Variants in THSD7A observed in about 807,000 individuals in gnomAD.
The protein encoded by THSD7A is thrombospondin type-1 domain-containing protein 7A.
A neutral mutation model predicts 231.3 loss-of-function variants in THSD7A; 96 were observed. The observed-to-expected ratio is 0.41, with a 90% CI of 0.35 to 0.49. The LOEUF (loss-of-function observed/expected upper bound fraction) is 0.49, where lower values mean the gene tolerates loss of function less well. Among genes scored for constraint, THSD7A ranks in the 20% least tolerant of loss-of-function variants. The pLI is 0.05. For missense variants in THSD7A, 2,290 were observed against 2,070.2 expected (o/e 1.11, Z -2.06); for synonymous variants, 940 against 743.3 (o/e 1.26, Z -4.30).
intron 6 of THSD7A, among the ~76,000 whole-genome samples, chr7:11,486,277 G>C (rs911665273): frequency 6.6e-6 from 1 of 152,048 alleles, no homozygotes; most frequent in African/African-American, 2.4e-5. Flanking sequence ...ATTTTGATTG[G>C]ATAAGAACTG....
chr7:11,699,197 T>C (rs1780497487), intron 1 of THSD7A, among the ~76,000 whole-genome samples: 1 of 151,194 alleles, frequency 6.6e-6, no homozygotes, highest in Non-Finnish European at 1.5e-5. Flanking sequence ...TACAGACTCA[T>C]TCTTTGAAAA....
intron 8 of THSD7A, among the ~76,000 whole-genome samples, chr7:11,470,527 T>C (rs1583802897): frequency 6.6e-6 from 1 of 151,966 alleles, no homozygotes; most frequent in Admixed American, 6.6e-5. Flanking sequence ...AAAAACTACA[T>C]ATTTAATAAT....
At position 11,372,011 on chromosome 7, in the gene THSD7A, G is replaced by C. The variant is rs181100435; in HGVS notation, c.*3783C>G. The C allele has an allele frequency of 6.6e-6, 1 of 152,064 alleles. No individual in the cohort carries two copies. Among genetic ancestry groups the C allele is most frequent in the African/African-American group, 2.4e-5 (1 of 41,486 alleles). 9.4% of individuals were successfully genotyped at this position (152,064 alleles called of 1,614,324 possible). On this transcript the variant is annotated 3_prime_UTR_variant, in exon 28 of 28. Transcript: ENST00000423059. ...AAAGGGCCAAGGATACAGGTTGTTG[G>C]GGGAGGTAAATAAGTGTGTGAGAGG...
chr7:11,776,713 A>T (rs1170548944), intron 1 of THSD7A, among the ~76,000 whole-genome samples: 1 of 152,226 alleles, frequency 6.6e-6, no homozygotes, highest in Non-Finnish European at 1.5e-5. Context: ...TACTGGATAA[A>T]CTGATAAAAC....
chr7:11,499,507 C>T (rs12540133), intron 6 of THSD7A, among the ~76,000 whole-genome samples: 107,631 of 152,060 alleles, frequency 0.71, 38,183 homozygotes, highest in South Asian at 0.82. Context: ...ATTCATAATA[C>T]GGATAGGAAC....
chr7:11,668,640 G>T (rs1480533508), intron 1 of THSD7A, among the ~76,000 whole-genome samples: 1 of 152,118 alleles, frequency 6.6e-6, no homozygotes, highest in East Asian at 1.9e-4. Flanking sequence ...GAGTGAACAT[G>T]TATAAGACAC....
At chr7:11,419,041 C>T (rs768176845) in intron 16 of THSD7A, among the ~76,000 whole-genome samples, 1 of 152,106 alleles carries the variant, frequency 6.6e-6, no homozygotes, top group Non-Finnish European at 1.5e-5. Context: ...CATTTCAGTG[C>T]TCAAAAGTTG....
chr7:11,402,922 A>G (rs1298669788), intron 22 of THSD7A, among the ~76,000 whole-genome samples: 1 of 152,212 alleles, frequency 6.6e-6, no homozygotes, highest in African/African-American at 2.4e-5. Context: ...ACATTTCAGT[A>G]CAAGTCTTTT....
At chr7:11,462,666 C>T (rs1329887077) in intron 9 of THSD7A, among the ~76,000 whole-genome samples, 2 of 152,066 alleles carry the variant, frequency 1.3e-5, no homozygotes, top group African/African-American at 2.4e-5. Context: ...TCATGTTAGA[C>T]AGTCTAAGAC....
chr7:11,672,322 CAG>C (rs578208336), intron 1 of THSD7A, among the ~76,000 whole-genome samples: 22 of 151,830 alleles, frequency 1.4e-4, no homozygotes, highest in Non-Finnish European at 2.5e-4. Flanking sequence ...TATTTGCTAT[CAG>C]AGAATAGTTT....
At chr7:11,638,337 C>A (rs192616981) in intron 1 of THSD7A, among the ~76,000 whole-genome samples, 67 of 152,256 alleles carry the variant, frequency 4.4e-4, no homozygotes, top group Middle Eastern at 3.4e-3. Context: ...CCAGTTCCAA[C>A]TTTTAGTTGT....
intron 4 of THSD7A, among the ~76,000 whole-genome samples, chr7:11,565,312 G>C (rs1989991): frequency 0.041 from 6,306 of 152,168 alleles, 265 homozygotes; most frequent in African/African-American, 0.085. Flanking sequence ...AATCAAAAAA[G>C]TTCTGCAAAC....
chr7:11,675,257 G>T (rs942020439), intron 1 of THSD7A, among the ~76,000 whole-genome samples: 3 of 152,068 alleles, frequency 2.0e-5, no homozygotes, highest in African/African-American at 7.2e-5. Context: ...CTTTTACCAT[G>T]GTCTTCACAA....
intron 1 of THSD7A, among the ~76,000 whole-genome samples, chr7:11,791,706 C>T (rs1386830853): frequency 6.6e-6 from 1 of 151,558 alleles, no homozygotes; most frequent in Non-Finnish European, 1.5e-5. Flanking sequence ...AATTTTGGTC[C>T]CAACGGCCAT....
chr7:11,569,101 A>T (rs1790511647), intron 4 of THSD7A, among the ~76,000 whole-genome samples: 1 of 152,112 alleles, frequency 6.6e-6, no homozygotes, highest in African/African-American at 2.4e-5. Flanking sequence ...GAAGAAAGCA[A>T]GCAAATGCTT....
chr7:11,638,830 A>G (rs891596858), intron 1 of THSD7A, among the ~76,000 whole-genome samples: 2 of 152,136 alleles, frequency 1.3e-5, no homozygotes, highest in Non-Finnish European at 2.9e-5. Flanking sequence ...TAATATTTTA[A>G]TCTTATTTTT....
intron 5 of THSD7A, among the ~76,000 whole-genome samples, chr7:11,542,268 G>T (rs569161630): frequency 6.6e-6 from 1 of 152,234 alleles, no homozygotes; most frequent in African/African-American, 2.4e-5. Context: ...TGCCCTTCAT[G>T]AGAGTGTGTA....
intron 6 of THSD7A, 79 bp downstream of exon 6, chr7:11,541,340 C>A: frequency 1.5e-6 from 2 of 1,363,636 alleles, no homozygotes; most frequent in East Asian, 2.4e-5. Flanking sequence ...TGCGAGAAGA[C>A]ACAGGATTTT....
At chr7:11,588,293 C>T (rs148665647) in intron 4 of THSD7A, among the ~76,000 whole-genome samples, 89 of 152,136 alleles carry the variant, frequency 5.9e-4, no homozygotes, top group African/African-American at 2.1e-3. Context: ...TTAAGTGCTC[C>T]CGGGGAGAAA....
Sources: allele counts gnomAD v4.1 joint callset (sites outside exome capture counted in the v4.1 genomes callset), GRCh38; gene constraint gnomAD v4.1.1; transcripts MANE v1.5; gene names NCBI Gene and HGNC (gene_info 2026-07-23, HGNC 2026-07-21).